Variants in DLG2 observed in about 807,000 individuals in gnomAD.
DLG2 encodes discs large MAGUK scaffold protein 2.
In DLG2, 45 loss-of-function variants were observed where a neutral mutation model predicts 132.5. The observed-to-expected ratio is 0.34, with a 90% CI of 0.27 to 0.44. The LOEUF is 0.44. DLG2 is among the 20% of genes least tolerant of loss of function. The pLI is 1.00. For synonymous variants in DLG2, 424 were observed against 419.6 expected (o/e 1.01, Z -0.13); for missense variants, 1,045 against 1,196.9 (o/e 0.87, Z 1.87).
At chr11:83,548,840 C>T (rs543321569) in intron 19 of DLG2, among the ~76,000 whole-genome samples, 13 of 152,266 alleles carry the variant, frequency 8.5e-5, no homozygotes, top group South Asian at 4.2e-4. Flanking sequence ...TCACTCTGCT[C>T]TTTTACCTCT....
At chr11:83,683,004 GC>G (rs2079097294) in intron 18 of DLG2, among the ~76,000 whole-genome samples, 1 of 152,000 alleles carries the variant, frequency 6.6e-6, no homozygotes, top group South Asian at 2.1e-4. Context: ...CTACCATGCT[GC>G]CTCTGGAGCA....
chr11:85,401,029 CA>C (rs58078090), intron 3 of DLG2, among the ~76,000 whole-genome samples: 4,123 of 143,194 alleles, frequency 0.029, 97 homozygotes, highest in East Asian at 0.099. Flanking sequence ...AGAGACATAA[CA>C]AAAAAAAAAG....
rs112305024 is a variant in DLG2 at position 84,143,568 on chromosome 11, T to C, written c.624+19893A>G. On this transcript the variant is annotated intron_variant, in intron 9 of 27. Transcript: ENST00000376104. Reference sequence around the variant, plus strand: ...TCTTTTCCTTCAAACAATAGATAATTTGAGAGTTTAAAATGCATCAGGCTC... The same window carrying C: ...TCTTTTCCTTCAAACAATAGATAATCTGAGAGTTTAAAATGCATCAGGCTC... Among the ~76,000 whole-genome samples the C allele has an allele frequency of 2.6e-3, 396 of 152,264 alleles. 6 individuals carry two copies. Among genetic ancestry groups the C allele is most frequent in the East Asian group, 5.6e-3 (29 of 5,178 alleles).
chr11:84,730,286 T>A (rs2063003816), intron 6 of DLG2, among the ~76,000 whole-genome samples: 1 of 152,028 alleles, frequency 6.6e-6, no homozygotes, highest in African/African-American at 2.4e-5. Context: ...GGTTGTTGAG[T>A]AATAATACCT....
chr11:83,964,052 A>G (rs903087419), intron 13 of DLG2, among the ~76,000 whole-genome samples: 1 of 151,958 alleles, frequency 6.6e-6, no homozygotes, highest in Non-Finnish European at 1.5e-5. Context: ...TCCTCCCAAC[A>G]AAGCTCTTTG....
chr11:85,052,669 C>T (rs1434835202), intron 6 of DLG2, among the ~76,000 whole-genome samples: 1 of 152,054 alleles, frequency 6.6e-6, no homozygotes, highest in Non-Finnish European at 1.5e-5. Flanking sequence ...AAATTGGTTG[C>T]CAAAGGAAAC....
intron 7 of DLG2, among the ~76,000 whole-genome samples, chr11:84,274,883 C>T (rs2097769781): frequency 6.6e-6 from 1 of 152,164 alleles, no homozygotes; most frequent in African/African-American, 2.4e-5. Context: ...CCCACAGTCC[C>T]TCCTCTGCCT....
intron 15 of DLG2, among the ~76,000 whole-genome samples, chr11:83,889,902 T>C (rs894022531): frequency 1.3e-4 from 18 of 137,608 alleles, no homozygotes; most frequent in Admixed American, 1.3e-3. Context: ...TAGATGGGAA[T>C]TGAACAATGA....
At chr11:85,425,651 C>T (rs1420546749) in intron 3 of DLG2, among the ~76,000 whole-genome samples, 2 of 152,024 alleles carry the variant, frequency 1.3e-5, no homozygotes, top group East Asian at 1.9e-4. Context: ...AGAAAAAAAT[C>T]GGGGGTGGAG....
intron 3 of DLG2, among the ~76,000 whole-genome samples, chr11:85,387,855 CAG>C (rs960204964): frequency 5.9e-5 from 9 of 152,288 alleles, no homozygotes; most frequent in African/African-American, 1.9e-4. Flanking sequence ...AGCTCCTACT[CAG>C]AGGAACAGAG....
chr11:85,459,278 C>A (rs1348458537), intron 3 of DLG2, among the ~76,000 whole-genome samples: 1 of 152,144 alleles, frequency 6.6e-6, no homozygotes, highest in Non-Finnish European at 1.5e-5. Context: ...GAAAATTCAG[C>A]CAGGAGGTGA....
At chr11:84,365,144 G>T (rs1202925143) in intron 7 of DLG2, among the ~76,000 whole-genome samples, 1 of 152,062 alleles carries the variant, frequency 6.6e-6, no homozygotes, top group Non-Finnish European at 1.5e-5. Flanking sequence ...TCTGGTCCTG[G>T]ACTCTTTTTG....
chr11:85,368,072 C>T (rs1021190514), intron 3 of DLG2, among the ~76,000 whole-genome samples: 2 of 152,144 alleles, frequency 1.3e-5, no homozygotes, highest in African/African-American at 2.4e-5. Flanking sequence ...ATGAGACTTA[C>T]CTATCTTTGA....
At chr11:84,230,819 A>C (rs1478892154) in intron 8 of DLG2, among the ~76,000 whole-genome samples, 1 of 152,232 alleles carries the variant, frequency 6.6e-6, no homozygotes, top group Non-Finnish European at 1.5e-5. Flanking sequence ...TTAACAGTGG[A>C]GACAAGGCAA....
At chr11:85,273,815 T>C (rs532731765) in intron 4 of DLG2, among the ~76,000 whole-genome samples, 28 of 152,330 alleles carry the variant, frequency 1.8e-4, no homozygotes, top group Non-Finnish European at 3.7e-4. Context: ...AGTATGCTTA[T>C]TGTGGCACTA....
At chr11:85,006,784 T>C (rs1419073724) in intron 6 of DLG2, among the ~76,000 whole-genome samples, 1 of 152,148 alleles carries the variant, frequency 6.6e-6, no homozygotes, top group African/African-American at 2.4e-5. Flanking sequence ...TTGAGTTTGT[T>C]TACCCTTGCT....
intron 6 of DLG2, among the ~76,000 whole-genome samples, chr11:84,784,580 C>A (rs1352866462): frequency 6.6e-6 from 1 of 151,934 alleles, no homozygotes; most frequent in Admixed American, 6.6e-5. Context: ...GAAGCAAAAT[C>A]AGACATCATT....
chr11:84,001,388 C>T (rs1199726196), intron 11 of DLG2, among the ~76,000 whole-genome samples: 3 of 150,202 alleles, frequency 2.0e-5, no homozygotes, highest in Non-Finnish European at 4.4e-5. Flanking sequence ...GGAATCAATG[C>T]AGCAAGAGAA....
rs575567725 is a variant in DLG2 at position 85,343,245 on chromosome 11, T to C, written c.41-57880A>G. ...CACAATTCCATTATTTCCCATTTTT[T>C]CCCAGGAGACAGCCTTGCTGAAGGG... is the stretch of plus-strand genomic sequence containing the variant. On this transcript the variant is annotated intron_variant, in intron 3 of 27. Transcript: ENST00000376104. Among the ~76,000 whole-genome samples the C allele has an allele frequency of 7.2e-5, 11 of 152,252 alleles. 1 individual carries two copies. The highest frequency in any genetic ancestry group is 2.6e-4 in the African/African-American group (11 of 41,566).
Sources: allele counts gnomAD v4.1 joint callset (sites outside exome capture counted in the v4.1 genomes callset), GRCh38; gene constraint gnomAD v4.1.1; transcripts MANE v1.5; gene names NCBI Gene and HGNC (gene_info 2026-07-23, HGNC 2026-07-21).